Variants in EPCIP observed in about 807,000 individuals in gnomAD.
The protein encoded by EPCIP is exosomal polycystin-1-interacting protein.
At chr21:32,808,183 C>T in the EPCIP span, among the ~76,000 whole-genome samples, 1 of 152,136 alleles carries the variant, frequency 6.6e-6, no homozygotes, top group Non-Finnish European at 1.5e-5. Flanking sequence ...AGAGTCCAAT[C>T]TTGCAAAGCT....
chr21:32,805,281 AC>A, the EPCIP span, among the ~76,000 whole-genome samples: 1 of 152,106 alleles, frequency 6.6e-6, no homozygotes, highest in Non-Finnish European at 1.5e-5. Flanking sequence ...GCCTGGTCAG[AC>A]TGGTTTTGAA....
the EPCIP span, among the ~76,000 whole-genome samples, chr21:32,812,412 A>G: frequency 6.6e-6 from 1 of 152,184 alleles, no homozygotes; most frequent in Non-Finnish European, 1.5e-5. Context: ...CTGGGCACTG[A>G]ATTTTAAAAG....
the EPCIP span, among the ~76,000 whole-genome samples, chr21:32,801,231 T>C: frequency 2.6e-3 from 400 of 152,354 alleles, 3 homozygotes; most frequent in Non-Finnish European, 2.3e-3. Context: ...TCAATTACTC[T>C]AAGCCACTGA....
the EPCIP span, among the ~76,000 whole-genome samples, chr21:32,804,625 A>C: frequency 6.6e-6 from 1 of 152,064 alleles, no homozygotes; most frequent in African/African-American, 2.4e-5. Flanking sequence ...AATCTAAAGT[A>C]ACTGGTTCAT....
chr21:32,792,492 T>C, the EPCIP span, among the ~76,000 whole-genome samples: 3 of 152,112 alleles, frequency 2.0e-5, no homozygotes, highest in Admixed American at 6.5e-5. Flanking sequence ...ATAGCTTGAA[T>C]GGTATTCATC....
the EPCIP span, among the ~76,000 whole-genome samples, chr21:32,813,043 T>C: frequency 1.3e-5 from 2 of 152,178 alleles, no homozygotes; most frequent in Non-Finnish European, 2.9e-5. Flanking sequence ...GCCTGGTGTG[T>C]AAATAGGCAG....
At chr21:32,811,549 G>A in the EPCIP span, among the ~76,000 whole-genome samples, 1 of 152,196 alleles carries the variant, frequency 6.6e-6, no homozygotes, top group Non-Finnish European at 1.5e-5. Flanking sequence ...ACTATACTCT[G>A]AAGAGTCATG....
At chr21:32,803,364 G>A in the EPCIP span, among the ~76,000 whole-genome samples, 2 of 152,186 alleles carry the variant, frequency 1.3e-5, no homozygotes, top group African/African-American at 4.8e-5. Context: ...GTGTGGGGTG[G>A]AGACCCACGC....
chr21:32,809,182 C>CGTGTGTGTGTGTGTGT, the EPCIP span, among the ~76,000 whole-genome samples: 40 of 121,148 alleles, frequency 3.3e-4, 1 homozygote, highest in Middle Eastern at 4.3e-3. Context: ...TCGAGGGGTG[C>CGTGTGTGTGTGTGTGT]GTGTGTGTGT....
At chr21:32,797,081 C>T in the EPCIP span, 1 of 459,084 alleles carries the variant, frequency 2.2e-6, no homozygotes, top group Non-Finnish European at 4.5e-6. Context: ...GGCTAGACCT[C>T]AGGATGGTCC....
chr21:32,799,183 G>A, the EPCIP span, among the ~76,000 whole-genome samples: 3 of 152,116 alleles, frequency 2.0e-5, no homozygotes, highest in African/African-American at 7.2e-5. Context: ...TAGGCAGTCA[G>A]AAAGGTGGGT....
the EPCIP span, among the ~76,000 whole-genome samples, chr21:32,800,539 C>T: frequency 2.0e-4 from 31 of 152,284 alleles, no homozygotes; most frequent in East Asian, 1.2e-3. Context: ...GCACATAGGC[C>T]GGGTGTGGTG....
At chr21:32,807,334 C>CTTTTTTT in the EPCIP span, among the ~76,000 whole-genome samples, 7 of 129,982 alleles carry the variant, frequency 5.4e-5, no homozygotes, top group Admixed American at 2.5e-4. Flanking sequence ...CCTCTTATGC[C>CTTTTTTT]TTTTTTTTTT....
chr21:32,792,694 T>C, the EPCIP span, among the ~76,000 whole-genome samples: 4 of 152,302 alleles, frequency 2.6e-5, no homozygotes, highest in Admixed American at 2.6e-4. Context: ...AATTTTGAGA[T>C]AGATGCAAAT....
the EPCIP span, among the ~76,000 whole-genome samples, chr21:32,800,509 C>G: frequency 6.6e-6 from 1 of 152,166 alleles, no homozygotes; most frequent in African/African-American, 2.4e-5. Flanking sequence ...TGCACAAAGG[C>G]TCAAATATTT....
At chr21:32,793,292 T>C in the EPCIP span, among the ~76,000 whole-genome samples, 1 of 152,098 alleles carries the variant, frequency 6.6e-6, no homozygotes, top group African/African-American at 2.4e-5. Context: ...ACCTCTGAAA[T>C]TGATTATTCT....
chr21:32,807,282 A>G, the EPCIP span, among the ~76,000 whole-genome samples: 1 of 150,018 alleles, frequency 6.7e-6, no homozygotes, highest in Admixed American at 6.6e-5. Context: ...ATGAGTCCCT[A>G]CATTTGCTAA....
At chr21:32,795,950 TTTC>T in the EPCIP span, among the ~76,000 whole-genome samples, 2 of 150,908 alleles carry the variant, frequency 1.3e-5, no homozygotes, top group Admixed American at 1.3e-4. Flanking sequence ...CCTTCCTTCA[TTTC>T]TTCATTTCTT....
At chr21:32,794,056 C>T in the EPCIP span, 1 of 1,614,080 alleles carries the variant, frequency 6.2e-7, no homozygotes, top group Non-Finnish European at 8.5e-7. Flanking sequence ...GCAGCCTCTT[C>T]AGACCACAAA....
Sources: gnomAD v4.1 joint callset for allele counts (sites outside exome capture counted in the v4.1 genomes callset) on GRCh38, gnomAD v4.1.1 for gene constraint, MANE v1.5 for transcripts, NCBI Gene and HGNC (gene_info 2026-07-23, HGNC 2026-07-21) for gene names.